CNBD1: variants seen among roughly 807,000 people sequenced by gnomAD.
CNBD1 encodes cyclic nucleotide-binding domain-containing protein 1.
A neutral mutation model predicts 54.4 loss-of-function variants in CNBD1; 71 were observed. The ratio of observed to expected loss-of-function variants is 1.30; its 90% confidence interval spans 1.08 to 1.59. The LOEUF (loss-of-function observed/expected upper bound fraction) is 1.59. CNBD1 is among the 40% of genes most tolerant of loss of function. CNBD1 has a pLI of 0.00. For synonymous variants in CNBD1, 182 were observed against 170.7 expected, an observed-to-expected ratio of 1.07 and a Z score of -0.51; for missense variants, 659 against 518.0, an observed-to-expected ratio of 1.27 and a Z score of -2.64.
At chr8:87,290,247 GA>G (rs947627925) in intron 8 of CNBD1, among the ~76,000 whole-genome samples, 7 of 151,546 alleles carry the variant, frequency 4.6e-5, no homozygotes, top group Non-Finnish European at 1.0e-4. Flanking sequence ...CAAAAACAAA[GA>G]AAAAAGAGAT....
At position 87,353,654 on chromosome 8, in the gene CNBD1, G is replaced by C. The variant is rs755992466; in HGVS notation, c.1171G>C (p.Val391Leu). The change falls in exon 10 of 11, where the codon GTT becomes CTT. Residue 391 changes from valine (V) to leucine (L), a missense_variant. Transcript: ENST00000518476. ...TTAACAGAAAAGATCTCAAAAACTTGTTTATATGGGGAAACTTAAGGAGAA... is the reference window on the plus strand; with the variant it reads ...TTAACAGAAAAGATCTCAAAAACTTCTTTATATGGGGAAACTTAAGGAGAA... ...SNKVKRSQKL[V>L]YMGKLKEKES... The C allele has an allele frequency of 1.9e-6, 3 of 1,588,602 alleles. No homozygotes were observed. Among genetic ancestry groups the C allele is most frequent in the Non-Finnish European group, 2.6e-6 (3 of 1,169,012 alleles).
chr8:86,939,563 C>T (rs1341823656), intron 3 of CNBD1, 33 bp from the exon 4 acceptor site: 2 of 1,498,236 alleles, frequency 1.3e-6, no homozygotes, highest in East Asian at 2.3e-5. Context: ...ATGCAGTATA[C>T]AACAGCATAA....
At chr8:87,386,806 C>A (rs1808749596), downstream of CNBD1, among the ~76,000 whole-genome samples, 1 of 152,094 alleles carries the variant, frequency 6.6e-6, no homozygotes, top group Non-Finnish European at 1.5e-5. Context: ...ACATAATTGT[C>A]AGATTCAACA....
intron 8 of CNBD1, among the ~76,000 whole-genome samples, chr8:87,339,965 T>A (rs1243245301): frequency 6.6e-6 from 1 of 152,232 alleles, no homozygotes; most frequent in Admixed American, 6.5e-5. Flanking sequence ...GTCTTTATAG[T>A]AATCTTTACC....
intron 4 of CNBD1, among the ~76,000 whole-genome samples, chr8:87,020,172 G>C (rs767810821): frequency 6.6e-6 from 1 of 151,728 alleles, no homozygotes; most frequent in East Asian, 1.9e-4. Flanking sequence ...AGAAGAAAAG[G>C]CACGATTAAA....
downstream of CNBD1, among the ~76,000 whole-genome samples, chr8:87,386,787 C>A (rs569492818): frequency 6.6e-6 from 1 of 152,212 alleles, no homozygotes; most frequent in South Asian, 2.1e-4. Flanking sequence ...AGAAGAGCAA[C>A]TCCAAGACAC....
At chr8:87,101,377 T>C (rs1002298538) in intron 4 of CNBD1, among the ~76,000 whole-genome samples, 7 of 151,826 alleles carry the variant, frequency 4.6e-5, no homozygotes, top group African/African-American at 1.7e-4. Context: ...TAAAAACAAA[T>C]ATAGAGAAAA....
At chr8:86,873,458 A>C (rs1334591430) in intron 1 of CNBD1, among the ~76,000 whole-genome samples, 1 of 151,908 alleles carries the variant, frequency 6.6e-6, no homozygotes, top group East Asian at 1.9e-4. Context: ...TATTTATAAT[A>C]TTGAGTCTTC....
At chr8:87,226,220 C>T (rs1328587038) in intron 5 of CNBD1, among the ~76,000 whole-genome samples, 3 of 151,474 alleles carry the variant, frequency 2.0e-5, no homozygotes, top group Non-Finnish European at 2.9e-5. Context: ...TTTTGAAGGG[C>T]TTTTTGTGTC....
chr8:87,057,614 C>A (rs943857844), intron 4 of CNBD1, among the ~76,000 whole-genome samples: 1 of 152,134 alleles, frequency 6.6e-6, no homozygotes, highest in East Asian at 1.9e-4. Flanking sequence ...TTTGGGAGGG[C>A]AAGGTGGGTG....
At chr8:87,152,925 T>A (rs1044033502) in intron 4 of CNBD1, among the ~76,000 whole-genome samples, 5 of 152,134 alleles carry the variant, frequency 3.3e-5, no homozygotes, top group African/African-American at 9.7e-5. Context: ...TTCCTCTTTT[T>A]AAATAATATC....
intron 2 of CNBD1, among the ~76,000 whole-genome samples, chr8:86,901,406 A>G (rs1808930818): frequency 6.6e-6 from 1 of 152,216 alleles, no homozygotes; most frequent in Non-Finnish European, 1.5e-5. Flanking sequence ...TAAAATAAAA[A>G]ATGTGAATTG....
intron 2 of CNBD1, among the ~76,000 whole-genome samples, chr8:87,406,359 T>C (rs1478313523): frequency 2.6e-5 from 4 of 151,688 alleles, no homozygotes; most frequent in African/African-American, 9.7e-5. Flanking sequence ...TTAACCACAG[T>C]AAATTCTCAA....
chr8:87,221,823 G>GT (rs1563512381), intron 5 of CNBD1, among the ~76,000 whole-genome samples: 4 of 151,978 alleles, frequency 2.6e-5, no homozygotes, highest in African/African-American at 4.8e-5. Flanking sequence ...TAATATTTAC[G>GT]TATTTGCTTT....
intron 4 of CNBD1, among the ~76,000 whole-genome samples, chr8:87,064,649 G>C (rs1810613336): frequency 6.6e-6 from 1 of 151,380 alleles, no homozygotes; most frequent in South Asian, 2.1e-4. Context: ...ATTTCTCTTA[G>C]CTCAGATATT....
chr8:86,947,911 C>G (rs973642676), intron 4 of CNBD1, among the ~76,000 whole-genome samples: 1 of 152,090 alleles, frequency 6.6e-6, no homozygotes, highest in Non-Finnish European at 1.5e-5. Context: ...AACCACCCTG[C>G]TACCCTTCCC....
chr8:87,113,916 C>CAA (rs11415653), intron 4 of CNBD1, among the ~76,000 whole-genome samples: 2 of 130,074 alleles, frequency 1.5e-5, no homozygotes, highest in South Asian at 2.4e-4. Context: ...GACTCTGTCT[C>CAA]AAAAAAAAAA....
intron 8 of CNBD1, among the ~76,000 whole-genome samples, chr8:87,290,528 CT>C (rs1308892862): frequency 6.6e-6 from 1 of 152,084 alleles, no homozygotes; most frequent in Admixed American, 6.6e-5. Flanking sequence ...TTTCTCCTAC[CT>C]TTTACAATTA....
intron 3 of CNBD1, among the ~76,000 whole-genome samples, chr8:86,914,607 G>A (rs759561541): frequency 2.6e-5 from 4 of 152,108 alleles, no homozygotes; most frequent in Non-Finnish European, 4.4e-5. Flanking sequence ...ATGAAAGTTG[G>A]TTAATTTTGA....
Sources: gnomAD v4.1 joint callset for allele counts (sites outside exome capture counted in the v4.1 genomes callset) on GRCh38, gnomAD v4.1.1 for gene constraint, MANE v1.5 for transcripts, NCBI Gene and HGNC (gene_info 2026-07-23, HGNC 2026-07-21) for gene names.